The following TXNRD1 variants were observed in gnomAD, a reference collection of about 807,000 sequenced individuals.
The protein encoded by TXNRD1 is thioredoxin reductase 1, cytoplasmic.
A neutral mutation model predicts 80.3 loss-of-function variants in TXNRD1; 57 were observed. The ratio of observed to expected loss-of-function variants is 0.71; its 90% CI spans 0.57 to 0.89. TXNRD1 has a LOEUF of 0.89. TXNRD1 is among the 40% of genes least tolerant of loss of function. TXNRD1 has a pLI of 0.00. For synonymous variants in TXNRD1, 291 were observed against 285.2 expected, an observed-to-expected ratio of 1.02 and a Z score of -0.20; for missense variants, 730 against 803.0, an observed-to-expected ratio of 0.91 and a Z score of 1.10.
intron 7 of TXNRD1, among the ~76,000 whole-genome samples, chr12:104,317,441 A>G (rs1380505412): frequency 6.7e-6 from 1 of 149,812 alleles, no homozygotes; most frequent in Non-Finnish European, 1.5e-5. Flanking sequence ...GATCATATGA[A>G]TTCAATATCC....
chr12:104,225,751 G>C (rs575364626), intron 1 of TXNRD1, among the ~76,000 whole-genome samples: 1 of 148,340 alleles, frequency 6.7e-6, no homozygotes, highest in Admixed American at 6.8e-5. Context: ...CCTAGTCTCA[G>C]ATATGTCCTT....
At chr12:104,249,336 A>G (rs1245178367) in intron 1 of TXNRD1, among the ~76,000 whole-genome samples, 1 of 152,220 alleles carries the variant, frequency 6.6e-6, no homozygotes, top group Admixed American at 6.5e-5. Context: ...TAATGCTGTC[A>G]CTTTGAGAAT....
chr12:104,256,277 G>GTAAA (rs1156842621), intron 2 of TXNRD1, among the ~76,000 whole-genome samples: 4 of 152,306 alleles, frequency 2.6e-5, no homozygotes, highest in Non-Finnish European at 5.9e-5. Context: ...TAACGTCTAC[G>GTAAA]TAAAGGTAGC....
At chr12:104,345,822 G>T (rs929089558) in intron 16 of TXNRD1, among the ~76,000 whole-genome samples, 2 of 152,028 alleles carry the variant, frequency 1.3e-5, no homozygotes, top group South Asian at 4.2e-4. Flanking sequence ...AGCCTTCTGC[G>T]GCTGGAAGTG....
intron 3 of TXNRD1, chr12:104,286,802 T>C: frequency 2.9e-6 from 3 of 1,023,784 alleles, no homozygotes; most frequent in Non-Finnish European, 3.5e-6. Context: ...CCTTAAATTG[T>C]TTTTGCTCTG....
intron 1 of TXNRD1, among the ~76,000 whole-genome samples, chr12:104,240,041 G>C (rs896211115): frequency 2.6e-5 from 4 of 152,140 alleles, no homozygotes; most frequent in Non-Finnish European, 5.9e-5. Flanking sequence ...TTGATTTACA[G>C]TTTCCTTTTC....
chr12:104,216,853 T>G (rs2032226132), intron 1 of TXNRD1, among the ~76,000 whole-genome samples: 1 of 152,232 alleles, frequency 6.6e-6, no homozygotes, highest in Non-Finnish European at 1.5e-5. Flanking sequence ...CTGTAGGATC[T>G]GCCTCTTTCA....
rs79378992 is a variant in TXNRD1 at position 104,303,842 on chromosome 12, C to G, written c.415-7448C>G. 2.4e-3 allele frequency: 3,522 copies of G among 1,439,166 alleles called. 74 individuals are homozygous for G. In the African/African-American group the frequency reaches 0.043, roughly 18 times the overall value. The allele number at this position is 1,439,166 out of a possible 1,614,324, so 89.1% of individuals were successfully genotyped here. On this transcript the variant is annotated intron_variant, in intron 4 of 16. Coordinates refer to ENST00000525566, the MANE Select transcript of TXNRD1 (RefSeq NM_001093771.3). ...CGGCATGTTGGTTGAAAAAGCTTCC[C>G]GGAAGGGAGACGAAGAGAAAGGAGA...
intron 4 of TXNRD1, among the ~76,000 whole-genome samples, chr12:104,289,947 C>T (rs2034120869): frequency 1.3e-5 from 2 of 152,164 alleles, no homozygotes; most frequent in South Asian, 4.1e-4. Context: ...AGATGATCCA[C>T]GGCTGGGTGC....
At chr12:104,292,452 G>T (rs1020029448) in intron 4 of TXNRD1, among the ~76,000 whole-genome samples, 13 of 149,956 alleles carry the variant, frequency 8.7e-5, no homozygotes, top group Non-Finnish European at 1.5e-4. Context: ...GCAGTGGCAT[G>T]AACTCAGCTC....
At chr12:104,229,502 G>A (rs1275441241) in intron 1 of TXNRD1, among the ~76,000 whole-genome samples, 1 of 151,870 alleles carries the variant, frequency 6.6e-6, no homozygotes, top group Non-Finnish European at 1.5e-5. Flanking sequence ...TATTCACATT[G>A]CAGCATGTAT....
chr12:104,303,676 C>T (rs1393542829), intron 4 of TXNRD1: 9 of 500,724 alleles, frequency 1.8e-5, no homozygotes, highest in Non-Finnish European at 2.4e-5. Flanking sequence ...CGGGCCGGGG[C>T]GGGGCTGTCT....
chr12:104,305,055 C>T (rs1404095051), intron 4 of TXNRD1: 6 of 1,086,726 alleles, frequency 5.5e-6, no homozygotes, highest in African/African-American at 3.2e-5. Context: ...TCAAGAACAT[C>T]AGACATTGTT....
At chr12:104,305,912 T>G (rs1052831843) in intron 4 of TXNRD1, among the ~76,000 whole-genome samples, 1 of 152,186 alleles carries the variant, frequency 6.6e-6, no homozygotes, top group African/African-American at 2.4e-5. Flanking sequence ...TCTATCTTTT[T>G]TTTTCCCCCT....
At chr12:104,266,256 G>A (rs1426294051) in intron 3 of TXNRD1, among the ~76,000 whole-genome samples, 1 of 152,130 alleles carries the variant, frequency 6.6e-6, no homozygotes, top group Non-Finnish European at 1.5e-5. Flanking sequence ...GCCCCGGTGC[G>A]GTGGCTTACG....
chr12:104,235,329 G>A (rs1402344629), intron 1 of TXNRD1, among the ~76,000 whole-genome samples: 1 of 152,162 alleles, frequency 6.6e-6, no homozygotes, highest in Non-Finnish European at 1.5e-5. Context: ...GAACAGATGT[G>A]GGTTGTTACA....
chr12:104,260,189 C>T (rs548215450), intron 3 of TXNRD1, among the ~76,000 whole-genome samples: 49 of 152,110 alleles, frequency 3.2e-4, no homozygotes, highest in African/African-American at 8.9e-4. Context: ...CAAAATTAGC[C>T]GGGCATGGTG....
chr12:104,278,331 G>C (rs953558323), intron 3 of TXNRD1, among the ~76,000 whole-genome samples: 1 of 150,214 alleles, frequency 6.7e-6, no homozygotes, highest in Non-Finnish European at 1.5e-5. Flanking sequence ...CTCCCGAGTA[G>C]CTGGGACTAC....
intron 9 of TXNRD1, among the ~76,000 whole-genome samples, chr12:104,320,715 A>C (rs1027079153): frequency 2.0e-5 from 3 of 152,112 alleles, no homozygotes; most frequent in African/African-American, 7.2e-5. Context: ...AGGACAAGCA[A>C]CACAGGTTTT....
Sources: gnomAD v4.1 joint callset for allele counts (sites outside exome capture counted in the v4.1 genomes callset) on GRCh38, gnomAD v4.1.1 for gene constraint, MANE v1.5 for transcripts, NCBI Gene and HGNC (gene_info 2026-07-23, HGNC 2026-07-21) for gene names.